NFATC2: variants seen among roughly 807,000 people sequenced by gnomAD.
NFATC2 encodes the protein nuclear factor of activated T-cells, cytoplasmic 2.
Under a neutral mutation model 87.3 loss-of-function variants are expected in NFATC2, and 22 were observed. The observed-to-expected ratio is 0.25, with a 90% CI of 0.18 to 0.36. The LOEUF (loss-of-function observed/expected upper bound fraction) is 0.36, where lower values mean the gene tolerates loss of function less well. Ranked by LOEUF, NFATC2 falls within the 10% of genes least tolerant of loss-of-function variation. NFATC2 has a pLI of 1.00. For missense variants in NFATC2, 1,149 were observed against 1,259.1 expected (o/e 0.91, Z 1.32); for synonymous variants, 565 against 542.2 (o/e 1.04, Z -0.58).
chr20:51,413,208 C>T (rs1248920163), intron 9 of NFATC2, among the ~76,000 whole-genome samples: 1 of 151,854 alleles, frequency 6.6e-6, no homozygotes, highest in South Asian at 2.1e-4. Context: ...GAGGTCATGC[C>T]CCGGCCTGGC....
chr20:51,443,471 C>T (rs534656037), intron 6 of NFATC2, among the ~76,000 whole-genome samples: 46 of 152,198 alleles, frequency 3.0e-4, no homozygotes, highest in Non-Finnish European at 5.0e-4. Flanking sequence ...CCGCAGGACC[C>T]TGCAAGGAGG....
At chr20:51,492,297 C>T (rs1271517870) in intron 3 of NFATC2, among the ~76,000 whole-genome samples, 1 of 151,782 alleles carries the variant, frequency 6.6e-6, no homozygotes, top group Non-Finnish European at 1.5e-5. Flanking sequence ...CGCCGCTATT[C>T]TCAGGACGAC....
intron 5 of NFATC2, among the ~76,000 whole-genome samples, chr20:51,464,543 G>A (rs1039919340): frequency 6.6e-6 from 1 of 152,156 alleles, no homozygotes; most frequent in Non-Finnish European, 1.5e-5. Context: ...GGGCTTCTTG[G>A]TCACTTGCCT....
intron 1 of NFATC2, among the ~76,000 whole-genome samples, chr20:51,531,721 C>T (rs191767464): frequency 2.6e-4 from 39 of 152,308 alleles, no homozygotes; most frequent in African/African-American, 8.4e-4. Context: ...GCCCAAGACA[C>T]ACAGAATCAA....
intron 3 of NFATC2, among the ~76,000 whole-genome samples, chr20:51,515,982 A>C (rs1217475816): frequency 6.6e-6 from 1 of 152,230 alleles, no homozygotes; most frequent in African/African-American, 2.4e-5. Context: ...ATACCAAAAA[A>C]AGTTATATTA....
At chr20:51,393,837 CAG>C (rs1986666378) in intron 10 of NFATC2, among the ~76,000 whole-genome samples, 1 of 152,152 alleles carries the variant, frequency 6.6e-6, no homozygotes, top group Admixed American at 6.5e-5. Flanking sequence ...AGCTGGTAGG[CAG>C]AGACGCTGGC....
At chr20:51,549,190 A>G (rs1164278706) in intron 1 of NFATC2, among the ~76,000 whole-genome samples, 4 of 152,232 alleles carry the variant, frequency 2.6e-5, no homozygotes, top group Admixed American at 1.3e-4. Flanking sequence ...TGAGAGAAAA[A>G]AAAAGAATAT....
intron 3 of NFATC2, among the ~76,000 whole-genome samples, chr20:51,483,909 A>G (rs911515844): frequency 6.6e-6 from 1 of 151,286 alleles, no homozygotes; most frequent in African/African-American, 2.4e-5. Flanking sequence ...CTCCACCTAC[A>G]CACAGTCTTC....
At chr20:51,433,404 C>T (rs1983061105) in intron 8 of NFATC2, among the ~76,000 whole-genome samples, 1 of 152,126 alleles carries the variant, frequency 6.6e-6, no homozygotes, top group Non-Finnish European at 1.5e-5. Context: ...CCATCTGTTA[C>T]CTGGCAGGAA....
chr20:51,540,662 T>TTTTTTTTTTTGTTTG (rs2076799358), intron 1 of NFATC2, among the ~76,000 whole-genome samples: 6 of 143,304 alleles, frequency 4.2e-5, no homozygotes, highest in East Asian at 4.1e-4. Flanking sequence ...TTTTTTGTTT[T>TTTTTTTTTTTGTTTG]TTTTTTTTTG....
At chr20:51,467,121 T>C (rs1339072267) in intron 5 of NFATC2, among the ~76,000 whole-genome samples, 2 of 146,414 alleles carry the variant, frequency 1.4e-5, no homozygotes, top group Admixed American at 6.8e-5. Context: ...AATAAACAGG[T>C]AAGCCACAGA....
At chr20:51,508,960 G>A (rs1169200869) in intron 3 of NFATC2, among the ~76,000 whole-genome samples, 2 of 151,910 alleles carry the variant, frequency 1.3e-5, no homozygotes, top group Non-Finnish European at 2.9e-5. Flanking sequence ...GGCCCTCCCA[G>A]CTCCCGCCTC....
chr20:51,402,300 CTCTCCTA>C (rs777721959), intron 9 of NFATC2, among the ~76,000 whole-genome samples: 1 of 152,116 alleles, frequency 6.6e-6, no homozygotes, highest in Non-Finnish European at 1.5e-5. Flanking sequence ...TAAGCTGCAC[CTCTCCTA>C]TCAAGCAACC....
At chr20:51,425,202 T>A (rs947539559) in intron 9 of NFATC2, among the ~76,000 whole-genome samples, 2 of 152,210 alleles carry the variant, frequency 1.3e-5, no homozygotes, top group Non-Finnish European at 2.9e-5. Flanking sequence ...ATGTCTTTTT[T>A]ATATATTTTT....
At chr20:51,554,039 A>G (rs1453097247) in intron 1 of NFATC2, among the ~76,000 whole-genome samples, 1 of 152,056 alleles carries the variant, frequency 6.6e-6, no homozygotes, top group African/African-American at 2.4e-5. Flanking sequence ...CGATTTCCTA[A>G]TCTTTGAAGT....
chr20:51,499,829 T>G (rs895892548), intron 3 of NFATC2, among the ~76,000 whole-genome samples: 1 of 152,108 alleles, frequency 6.6e-6, no homozygotes, highest in Non-Finnish European at 1.5e-5. Flanking sequence ...CTCAGGCAAG[T>G]CACATTTCTC....
At position 51,483,902 on chromosome 20, in the gene NFATC2, C is replaced by T. The variant is rs546697596; in HGVS notation, c.1333-8242G>A. ...GTCTCCTTACCCACCCCTCTCCCTC[C>T]ACCTACACACAGTCTTCTTCACATA... On this transcript the variant is annotated intron_variant, in intron 3 of 10. Coordinates refer to ENST00000371564, the MANE Select transcript of NFATC2 (RefSeq NM_012340.5). 2.0e-5 allele frequency among the ~76,000 whole-genome samples: 3 copies of T among 151,696 alleles called. No homozygotes were observed. In the East Asian group the frequency reaches 5.8e-4, roughly 30 times the overall value.
intron 5 of NFATC2, among the ~76,000 whole-genome samples, chr20:51,465,307 G>A (rs1419453617): frequency 1.3e-5 from 2 of 152,174 alleles, no homozygotes; most frequent in African/African-American, 2.4e-5. Context: ...TTGAACCTGG[G>A]AGACAGAGGC....
intron 3 of NFATC2, among the ~76,000 whole-genome samples, chr20:51,501,768 C>T (rs1203527916): frequency 6.6e-6 from 1 of 152,164 alleles, no homozygotes; most frequent in African/African-American, 2.4e-5. Flanking sequence ...TCCACGAGAG[C>T]TCGGGATTTT....
Sources: allele counts gnomAD v4.1 joint callset (sites outside exome capture counted in the v4.1 genomes callset), GRCh38; gene constraint gnomAD v4.1.1; transcripts MANE v1.5; gene names NCBI Gene and HGNC (gene_info 2026-07-23, HGNC 2026-07-21).